AADAT: variants seen among roughly 807,000 people sequenced by gnomAD.
AADAT encodes aminoadipate aminotransferase.
AADAT carries 25 observed loss-of-function variants against 56.2 expected under a neutral mutation model. The observed-to-expected ratio is 0.44, with a 90% CI of 0.32 to 0.62. The LOEUF (loss-of-function observed/expected upper bound fraction) is 0.62, where lower values mean the gene tolerates loss of function less well. Among genes scored for constraint, AADAT ranks in the 20% least tolerant of loss-of-function variants. The pLI is 0.04. For synonymous variants in AADAT, 173 were observed against 164.7 expected (o/e 1.05, Z -0.39); for missense variants, 387 against 510.5 (o/e 0.76, Z 2.33).
At chr4:170,062,212 A>C (rs1482275294) in intron 11 of AADAT, among the ~76,000 whole-genome samples, 1 of 152,256 alleles carries the variant, frequency 6.6e-6, no homozygotes, top group South Asian at 2.1e-4. Context: ...TCAATATGGC[A>C]AATGCTATCT....
At chr4:170,066,305 C>T in intron 10 of AADAT, 109 bp downstream of exon 10, 5 of 977,132 alleles carry the variant, frequency 5.1e-6, no homozygotes, top group Non-Finnish European at 8.2e-6. Context: ...GGCAAGAATA[C>T]TCCTGGACTG....
At chr4:170,093,426 G>T (rs7677657), upstream of AADAT, among the ~76,000 whole-genome samples, 1 of 152,048 alleles carries the variant, frequency 6.6e-6, no homozygotes, top group African/African-American at 2.4e-5. Flanking sequence ...TGAGCTGGGG[G>T]ATAGAGCGAG....
intron 11 of AADAT, among the ~76,000 whole-genome samples, chr4:170,063,498 C>T (rs1408804012): frequency 6.6e-6 from 1 of 152,302 alleles, no homozygotes; most frequent in Middle Eastern, 3.4e-3. Flanking sequence ...TATTATACTA[C>T]AATGCATTTA....
chr4:170,087,931 G>C (rs1185022017), intron 2 of AADAT, among the ~76,000 whole-genome samples: 1 of 151,136 alleles, frequency 6.6e-6, no homozygotes, highest in Admixed American at 6.6e-5. Flanking sequence ...TTGCATGACT[G>C]CTTGTTTAGA....
chr4:170,073,382 T>A, intron 4 of AADAT, 37 bp from the exon 5 acceptor site: 1 of 1,566,000 alleles, frequency 6.4e-7, no homozygotes. Flanking sequence ...TCAGTCATGA[T>A]TACAAATGTA....
chr4:170,063,101 C>G (rs1357157355), intron 11 of AADAT, among the ~76,000 whole-genome samples: 1 of 152,058 alleles, frequency 6.6e-6, no homozygotes, highest in Non-Finnish European at 1.5e-5. Flanking sequence ...ATTTGGAGTA[C>G]TCTGGGCAAA....
chr4:170,070,528 T>C, intron 6 of AADAT, 59 bp downstream of exon 6: 3 of 1,250,902 alleles, frequency 2.4e-6, no homozygotes, highest in South Asian at 1.3e-5. Context: ...CCCAACACAG[T>C]GCAGTAACTT....
chr4:170,069,294 T>C (rs1430006804), intron 6 of AADAT, 64 bp from the exon 7 acceptor site: 35 of 1,316,616 alleles, frequency 2.7e-5, no homozygotes, highest in Non-Finnish European at 3.6e-5. Flanking sequence ...TACGATTATT[T>C]TGAATAGAGA....
chr4:170,089,313 C>A, intron 1 of AADAT: 1 of 563,490 alleles, frequency 1.8e-6, no homozygotes, highest in African/African-American at 1.9e-5. Flanking sequence ...CCCTTCTCAG[C>A]TTCCCAGGAA....
At chr4:170,078,351 T>C (rs1002744177) in intron 4 of AADAT, among the ~76,000 whole-genome samples, 158 bp downstream of exon 4, 1 of 152,116 alleles carries the variant, frequency 6.6e-6, no homozygotes, top group Non-Finnish European at 1.5e-5. Context: ...TTATCCTGCT[T>C]ATGGATAAAA....
intron 3 of AADAT, among the ~76,000 whole-genome samples, chr4:170,086,242 T>A (rs1194345642): frequency 3.4e-5 from 5 of 148,244 alleles, no homozygotes; most frequent in Non-Finnish European, 5.9e-5. Flanking sequence ...TGAGACCCTG[T>A]CTCAAAAAAA....
chr4:170,083,523 C>A (rs1008525039), intron 3 of AADAT, among the ~76,000 whole-genome samples: 1 of 151,942 alleles, frequency 6.6e-6, no homozygotes, highest in African/African-American at 2.4e-5. Flanking sequence ...ACCCATCTGA[C>A]AAGGGATTAA....
At chr4:170,076,388 A>T (rs959572238) in intron 4 of AADAT, among the ~76,000 whole-genome samples, 3 of 152,144 alleles carry the variant, frequency 2.0e-5, no homozygotes, top group Non-Finnish European at 4.4e-5. Flanking sequence ...GCAGTCACAC[A>T]TTGTAGAGTA....
chr4:170,066,524 G>T, intron 9 of AADAT, 46 bp from the exon 10 acceptor site: 1 of 1,426,224 alleles, frequency 7.0e-7, no homozygotes, highest in Non-Finnish European at 9.9e-7. Flanking sequence ...TACATTGATT[G>T]CAGAAGCAAA....
intron 5 of AADAT, among the ~76,000 whole-genome samples, 179 bp from the exon 6 acceptor site, chr4:170,070,831 C>T (rs1731722668): frequency 1.3e-5 from 2 of 152,170 alleles, no homozygotes; most frequent in Admixed American, 1.3e-4. Flanking sequence ...CTTATTCTCA[C>T]AGAAGTTAGA....
rs372725187 is a variant in AADAT, at chr4:170,089,737, C to T, written c.-47G>A. On this transcript the variant is annotated 5_prime_UTR_variant, in exon 1 of 13. Transcript: ENST00000337664. ...AAGCTTCTTCTTCAGTGGTTGAGGA[C>T]TAGAAAAACCAAAGAGCCTCGTCAA... 1 of 1,600,082 alleles carries T rather than the reference C, an allele frequency of 6.2e-7. No individual in the cohort carries two copies. The highest frequency in any genetic ancestry group is 8.6e-7 in the Non-Finnish European group (1 of 1,168,986).
At chr4:170,091,139 G>A (rs1253783712), upstream of AADAT, among the ~76,000 whole-genome samples, 1 of 152,224 alleles carries the variant, frequency 6.6e-6, no homozygotes, top group Non-Finnish European at 1.5e-5. Context: ...CGCGCTTGAG[G>A]GGCCCTTCAG....
chr4:170,086,993 G>A, intron 3 of AADAT, 123 bp downstream of exon 3: 2 of 1,347,618 alleles, frequency 1.5e-6, no homozygotes, highest in African/African-American at 1.5e-5. Context: ...ATAATTCTAG[G>A]TGAAGACAAG....
At chr4:170,085,940 G>C (rs1732539519) in intron 3 of AADAT, among the ~76,000 whole-genome samples, 1 of 152,148 alleles carries the variant, frequency 6.6e-6, no homozygotes, top group South Asian at 2.1e-4. Flanking sequence ...GGGAGTCATA[G>C]ATTAATTTAG....
Sources: allele counts gnomAD v4.1 joint callset (sites outside exome capture counted in the v4.1 genomes callset), GRCh38; gene constraint gnomAD v4.1.1; transcripts MANE v1.5; gene names NCBI Gene and HGNC (gene_info 2026-07-23, HGNC 2026-07-21).